Variants in GALNT8 observed in about 807,000 individuals in gnomAD.
GALNT8 encodes probable polypeptide N-acetylgalactosaminyltransferase 8.
A neutral mutation model predicts 62.7 loss-of-function variants in GALNT8; 66 were observed. The ratio of observed to expected loss-of-function variants is 1.05; its 90% confidence interval spans 0.86 to 1.29. GALNT8 has a LOEUF of 1.29. GALNT8 is among the 50% of genes most tolerant of loss of function. GALNT8 has a pLI of 0.00. For missense variants in GALNT8, 771 were observed against 791.8 expected (o/e 0.97, Z 0.32); for synonymous variants, 288 against 294.3 (o/e 0.98, Z 0.22).
In GALNT8 at chr12:4,726,883, G is replaced by A; in HGVS notation, c.509+54G>A. The A allele has an allele frequency of 6.9e-7, 1 of 1,457,776 alleles. No homozygotes were observed. Among genetic ancestry groups the A allele is most frequent in the East Asian group, 2.3e-5 (1 of 43,918 alleles). 90.3% of individuals were successfully genotyped at this position (1,457,776 alleles called of 1,614,324 possible). A position where few individuals can be genotyped will look rare whatever the true frequency, so the allele number is the denominator to read the frequency against. On this transcript the variant is annotated intron_variant, in intron 2 of 10. Coordinates refer to ENST00000252318, the MANE Select transcript of GALNT8 (RefSeq NM_017417.2). This position sits in a 1 kb window ranked among gnomAD's most constrained non-coding sequence, Gnocchi z 4.1. ...GGTCCTCAGTTTGATTTGAGGATGA[G>A]CTTTGGGAGCAGTGAACATTGAAGG...
rs137868867 is a variant in GALNT8, at chr12:4,750,929, C to T, written c.1173+4671C>T. On this transcript the variant is annotated intron_variant, in intron 6 of 10. Coordinates refer to ENST00000252318, the MANE Select transcript of GALNT8 (RefSeq NM_017417.2). ...ATCATGGTACTAGTACAAAAACGGACACATAGACCAATGGAACAGAATAGA... is the reference window on the plus strand; with the variant it reads ...ATCATGGTACTAGTACAAAAACGGATACATAGACCAATGGAACAGAATAGA... Among the ~76,000 whole-genome samples, 18 of 152,140 alleles carry T rather than the reference C, an allele frequency of 1.2e-4. No individual in the cohort carries two copies. The East Asian group carries it at 2.3e-3, about 20-fold the overall frequency.
intron 6 of GALNT8, among the ~76,000 whole-genome samples, chr12:4,748,241 A>AAT (rs780866824): frequency 6.6e-6 from 1 of 151,744 alleles, no homozygotes; most frequent in Non-Finnish European, 1.5e-5. Flanking sequence ...TCCATTTGTC[A>AAT]ATGTTTGTAT....
At chr12:4,754,011 C>T (rs890219017) in intron 6 of GALNT8, among the ~76,000 whole-genome samples, 1 of 152,228 alleles carries the variant, frequency 6.6e-6, no homozygotes, top group African/African-American at 2.4e-5. Flanking sequence ...CCCTTGTTCT[C>T]TTCCCTTACG....
At chr12:4,761,205 A>T in intron 7 of GALNT8, 62 bp downstream of exon 7, 4 of 1,428,912 alleles carry the variant, frequency 2.8e-6, no homozygotes, top group Non-Finnish European at 3.9e-6. Flanking sequence ...GCGGTTATGT[A>T]ATGGGGAGGG....
chr12:4,743,628 C>T (rs1946282026), intron 3 of GALNT8, among the ~76,000 whole-genome samples: 4 of 152,148 alleles, frequency 2.6e-5, no homozygotes, highest in Non-Finnish European at 5.9e-5. Context: ...TGGCTAAACA[C>T]AGCATAGGTT....
chr12:4,730,168 C>T (rs1377851638), intron 2 of GALNT8, among the ~76,000 whole-genome samples: 2 of 151,826 alleles, frequency 1.3e-5, no homozygotes, highest in Non-Finnish European at 2.9e-5. Flanking sequence ...TAGGTTGTCT[C>T]TTCATTCTTT....
At chr12:4,761,320 G>A (rs1426880069) in intron 7 of GALNT8, among the ~76,000 whole-genome samples, 177 bp downstream of exon 7, 3 of 152,070 alleles carry the variant, frequency 2.0e-5, no homozygotes, top group African/African-American at 4.8e-5. Flanking sequence ...ACTGCATTCC[G>A]GACCCTTCTA....
At chr12:4,735,251 G>C (rs370029514) in intron 2 of GALNT8, among the ~76,000 whole-genome samples, 8 of 152,102 alleles carry the variant, frequency 5.3e-5, no homozygotes, top group African/African-American at 7.2e-5. Context: ...TTTACAAACT[G>C]TCCTAAGGAA....
chr12:4,761,137 T>C lies in GALNT8; in HGVS notation c.1353T>C (p.Pro451=), dbSNP rs1317849168. Residue 451 remains proline (P), a synonymous_variant, in exon 7 of 11, where the codon CCT becomes CCC. Coordinates refer to ENST00000252318, the MANE Select transcript of GALNT8 (RefSeq NM_017417.2). ...TGGTCTACTTGGCCTGGAACATACC[T>C]CTCCAGGTGAGTCATGGAATTGAAC... ...KHMVYLAWNI[P]LQNSGIDFGD... is the part of the protein sequence containing the mutation. 4 of 1,611,976 alleles carry C rather than the reference T, an allele frequency of 2.5e-6. No individual in the cohort carries two copies. Among genetic ancestry groups the C allele is most frequent in the Admixed American group, 1.7e-5 (1 of 59,866 alleles).
intron 1 of GALNT8, among the ~76,000 whole-genome samples, chr12:4,721,645 T>C (rs1946170002): frequency 6.6e-6 from 1 of 152,194 alleles, no homozygotes; most frequent in Admixed American, 6.5e-5. Flanking sequence ...TCTCAGTAGA[T>C]GGAATATACA....
chr12:4,745,525 G>A lies in GALNT8; in HGVS notation c.957G>A (p.Lys319=), dbSNP rs1481825172. The part of the protein sequence containing the change: ...NIRFDTFKLD[K]YELAVDGFNW... ...GTTTTGACACCTTCAAACTGGATAA[G>A]TATGAACTGGCAGTTGATGGGTTTA... Residue 319 remains lysine, a synonymous_variant, in exon 5 of 11, where the codon AAG becomes AAA. Transcript: ENST00000252318. The A allele has an allele frequency of 6.2e-7, 1 of 1,613,276 alleles. No homozygotes were observed. The highest frequency in any genetic ancestry group is 1.1e-5 in the South Asian group (1 of 91,058).
chr12:4,761,170 C>T (rs751255900), intron 7 of GALNT8, 27 bp downstream of exon 7: 20 of 1,589,556 alleles, frequency 1.3e-5, no homozygotes, highest in Middle Eastern at 1.7e-4. Context: ...AACAGCAGCA[C>T]GGAAGAATGA....
intron 3 of GALNT8, among the ~76,000 whole-genome samples, chr12:4,741,214 C>G (rs1946270697): frequency 6.6e-6 from 1 of 152,112 alleles, no homozygotes; most frequent in Non-Finnish European, 1.5e-5. Context: ...TTTAGACTTC[C>G]ACACTAAAAA....
intron 6 of GALNT8, 68 bp from the exon 7 acceptor site, chr12:4,760,890 C>T (rs961307102): frequency 1.5e-6 from 2 of 1,350,880 alleles, no homozygotes; most frequent in East Asian, 2.3e-5. Flanking sequence ...ATGTAGTCTT[C>T]TTGTGTCAAT....
chr12:4,770,224 C>A (rs1290122577), intron 10 of GALNT8, among the ~76,000 whole-genome samples: 1 of 151,772 alleles, frequency 6.6e-6, no homozygotes, highest in East Asian at 1.9e-4. Context: ...ATTACCTGAA[C>A]CCGGGAGGCG....
intron 2 of GALNT8, among the ~76,000 whole-genome samples, chr12:4,737,592 G>A (rs1946251330): frequency 6.6e-6 from 1 of 152,202 alleles, no homozygotes; most frequent in African/African-American, 2.4e-5. Flanking sequence ...ACCTGCTGGA[G>A]TTTTGTGATA....
At chr12:4,756,537 A>G (rs1946345959) in intron 6 of GALNT8, among the ~76,000 whole-genome samples, 1 of 151,902 alleles carries the variant, frequency 6.6e-6, no homozygotes, top group Non-Finnish European at 1.5e-5. Flanking sequence ...GTCTCTGCTA[A>G]GTCACTGTGG....
At chr12:4,752,094 G>A (rs1278418346) in intron 6 of GALNT8, among the ~76,000 whole-genome samples, 1 of 151,806 alleles carries the variant, frequency 6.6e-6, no homozygotes, top group Non-Finnish European at 1.5e-5. Context: ...GGTTTCCATT[G>A]GTATGGAATA....
At chr12:4,730,438 C>T (rs927877773) in intron 2 of GALNT8, among the ~76,000 whole-genome samples, 3 of 152,188 alleles carry the variant, frequency 2.0e-5, no homozygotes, top group Admixed American at 6.5e-5. Flanking sequence ...GTGGGTATTC[C>T]GTTTTCCCAA....
Sources: gnomAD v4.1 joint callset for allele counts (sites outside exome capture counted in the v4.1 genomes callset) on GRCh38, gnomAD v4.1.1 for gene constraint, Gnocchi (gnomAD v3.1) non-coding constraint, MANE v1.5 for transcripts, NCBI Gene and HGNC (gene_info 2026-07-23, HGNC 2026-07-21) for gene names.